PTDSS2: variants seen among roughly 807,000 people sequenced by gnomAD.
PTDSS2 encodes the protein PSS-2.
In PTDSS2, 41 loss-of-function variants were observed where a neutral mutation model predicts 64.7. That is an observed-to-expected ratio of 0.63 (90% CI 0.49 to 0.82). PTDSS2 has a LOEUF of 0.82. Ranked by LOEUF, PTDSS2 falls within the 40% of genes least tolerant of loss-of-function variation. The pLI is 0.00. For synonymous variants in PTDSS2, 297 were observed against 277.8 expected, an observed-to-expected ratio of 1.07 and a Z score of -0.69; for missense variants, 485 against 650.0, an observed-to-expected ratio of 0.75 and a Z score of 2.76.
chr11:452,187 G>C (rs1317557836), intron 1 of PTDSS2, among the ~76,000 whole-genome samples: 1 of 152,228 alleles, frequency 6.6e-6, no homozygotes, highest in East Asian at 1.9e-4. Context: ...GGAGCGAGGA[G>C]ACCAGACTGG....
In PTDSS2 at chr11:479,262, C is replaced by A; in HGVS notation, c.435+110C>A. 1 of 939,660 alleles carries A rather than the reference C, an allele frequency of 1.1e-6. No homozygotes were observed. Among genetic ancestry groups the A allele is most frequent in the Non-Finnish European group, 1.8e-6 (1 of 568,042 alleles). 58.2% of individuals were successfully genotyped at this position (939,660 alleles called of 1,614,324 possible). On this transcript the variant is annotated intron_variant, in intron 4 of 11. Transcript: ENST00000308020. This position sits in a 1 kb window ranked among gnomAD's most constrained non-coding sequence, Gnocchi z 4.2. ...ACAGCCCTCGAGTGATGGGAGGAAG[C>A]AGGGCTAGACCCCCACAAAGTAGGC...
intron 4 of PTDSS2, among the ~76,000 whole-genome samples, chr11:483,534 A>C (rs1443593871): frequency 2.0e-5 from 3 of 152,200 alleles, no homozygotes; most frequent in Non-Finnish European, 4.4e-5. Flanking sequence ...AAGTTGTTAG[A>C]TTTTTGTTAA....
chr11:453,794 T>C (rs924096908), intron 1 of PTDSS2, among the ~76,000 whole-genome samples: 1 of 152,246 alleles, frequency 6.6e-6, no homozygotes, highest in Non-Finnish European at 1.5e-5. Context: ...TCGGCCTCCC[T>C]GCCCACCATG....
intron 8 of PTDSS2, 111 bp from the exon 9 acceptor site, chr11:489,289 G>C: frequency 1.2e-6 from 1 of 864,050 alleles, no homozygotes; most frequent in Non-Finnish European, 1.8e-6. Context: ...AGCAGAGCTC[G>C]TCCGATGGCA....
At position 490,713 on chromosome 11, in the gene PTDSS2, C is replaced by T. The variant is rs142202229; in HGVS notation, c.*131C>T. 3.1e-3 allele frequency: 3,007 copies of T among 967,306 alleles called. 8 individuals carry two copies. Among genetic ancestry groups the T allele is most frequent in the Non-Finnish European group, 4.0e-3 (2,673 of 668,978 alleles). The allele number at this position is 967,306 out of a possible 1,614,324, so 59.9% of individuals were successfully genotyped here. A position where few individuals can be genotyped will look rare whatever the true frequency, so the allele number is the denominator to read the frequency against. ...TTTTGCTTTTCTCCTGTGCACCTGG[C>T]GAGGCTGAAGGCGAGGGGTGGAGGA... On this transcript the variant is annotated 3_prime_UTR_variant, in exon 12 of 12. Coordinates refer to ENST00000308020, the MANE Select transcript of PTDSS2 (RefSeq NM_030783.3).
chr11:486,928 T>C lies in PTDSS2; in HGVS notation c.436-11T>C. 2 of 1,602,264 alleles carry C rather than the reference T, an allele frequency of 1.2e-6. No individual in the cohort carries two copies. The highest frequency in any genetic ancestry group is 1.7e-6 in the Non-Finnish European group (2 of 1,173,642). On this transcript the variant is annotated splice_polypyrimidine_tract_variant and intron_variant, in intron 4 of 11. Coordinates refer to ENST00000308020, the MANE Select transcript of PTDSS2 (RefSeq NM_030783.3). ...ACTGTAGCCCCGCTGACGGGGGCAC[T>C]GGCCTTGCAGACTGTCCAGGACGGC...
chr11:488,596 T>C lies in PTDSS2; in HGVS notation c.803T>C (p.Leu268Pro). 6.2e-7 allele frequency: 1 copy of C among 1,613,464 alleles called. No homozygotes were observed. Among genetic ancestry groups the C allele is most frequent in the Non-Finnish European group, 8.5e-7 (1 of 1,179,974 alleles). ...TGCGGCATGAAGACCCTTGAGTGGC[T>C]GTCCCTGAAGACGTACAAGTGGCAG... Reference protein sequence around the residue: ...IYCGMKTLEWLSLKTYKWQGL... With the variant: ...IYCGMKTLEWPSLKTYKWQGL... The change falls in exon 8 of 12, where the codon CTG becomes CCG. Residue 268 changes from leucine (L) to proline (P), a missense_variant. Leu to Pro is a moderately conservative substitution (Grantham distance 98). Coordinates refer to ENST00000308020, the MANE Select transcript of PTDSS2 (RefSeq NM_030783.3).
At chr11:486,222 C>T (rs1848371990) in intron 4 of PTDSS2, among the ~76,000 whole-genome samples, 1 of 151,028 alleles carries the variant, frequency 6.6e-6, no homozygotes, top group Non-Finnish European at 1.5e-5. Context: ...ATGCCAGCGT[C>T]TGGGTGAGGA....
Position 479,505 on chromosome 11 carries a change from G to A in PTDSS2, c.435+353G>A, listed in dbSNP as rs935687789. ...CAGGGCCAGTGGTGCAGCTGCCAGG[G>A]TGGCTTTGCCCACAGCTGTCGTATC... On this transcript the variant is annotated intron_variant, in intron 4 of 11. Transcript: ENST00000308020. The surrounding 1 kb of genome is among the most constrained non-coding windows in gnomAD (Gnocchi z 4.2). The A allele has an allele frequency of 1.4e-5, 5 of 350,722 alleles. No homozygotes were observed. Among genetic ancestry groups the A allele is most frequent in the South Asian group, 9.3e-5 (3 of 32,096 alleles). The allele number at this position is 350,722 out of a possible 1,614,324, so 21.7% of individuals were successfully genotyped here. A position where few individuals can be genotyped will look rare whatever the true frequency, so the allele number is the denominator to read the frequency against.
At chr11:448,893 T>G (rs899725797), upstream of PTDSS2, among the ~76,000 whole-genome samples, 5 of 152,156 alleles carry the variant, frequency 3.3e-5, no homozygotes, top group Non-Finnish European at 7.4e-5. Context: ...TTACAGCACT[T>G]TCATCGCCCC....
chr11:454,744 G>A (rs1020775845), intron 1 of PTDSS2, among the ~76,000 whole-genome samples: 2 of 152,268 alleles, frequency 1.3e-5, no homozygotes, highest in South Asian at 2.1e-4. Flanking sequence ...GGCAGAGATC[G>A]CGCCAGTGTC....
intron 1 of PTDSS2, among the ~76,000 whole-genome samples, chr11:452,571 C>T (rs185462031): frequency 2.0e-5 from 3 of 152,306 alleles, no homozygotes; most frequent in East Asian, 1.9e-4. Context: ...TCTCCAGGAG[C>T]GGGTGCAGCG....
At chr11:486,235 G>A (rs994030137) in intron 4 of PTDSS2, among the ~76,000 whole-genome samples, 26 of 152,242 alleles carry the variant, frequency 1.7e-4, no homozygotes, top group Non-Finnish European at 3.7e-4. Context: ...GGTGAGGAAA[G>A]AGCAGGTTCC....
intron 1 of PTDSS2, among the ~76,000 whole-genome samples, chr11:450,928 CT>C (rs1374795189): frequency 2.0e-5 from 3 of 152,020 alleles, no homozygotes; most frequent in African/African-American, 7.2e-5. Flanking sequence ...CCCTGCCCGC[CT>C]TGGCTCTGAC....
At chr11:474,378 C>G (rs1169729072) in intron 3 of PTDSS2, among the ~76,000 whole-genome samples, 1 of 139,330 alleles carries the variant, frequency 7.2e-6, no homozygotes, top group South Asian at 2.3e-4. Context: ...GACTCTGAGA[C>G]CAGAGGGGGC....
chr11:472,447 G>A (rs889427931), intron 2 of PTDSS2, among the ~76,000 whole-genome samples: 8 of 152,210 alleles, frequency 5.3e-5, no homozygotes, highest in South Asian at 2.1e-4. Context: ...GGCTGACAGC[G>A]GTAGTGTGGG....
intron 2 of PTDSS2, among the ~76,000 whole-genome samples, chr11:469,668 TGCTGTACAA>T (rs1326904862): frequency 6.6e-6 from 1 of 152,030 alleles, no homozygotes; most frequent in East Asian, 1.9e-4. Flanking sequence ...CAGATCTTGT[TGCTGTACAA>T]GCTGAGGGGG....
chr11:449,764 T>G (rs1011448648), upstream of PTDSS2, among the ~76,000 whole-genome samples: 1 of 151,950 alleles, frequency 6.6e-6, no homozygotes, highest in African/African-American at 2.4e-5. Context: ...CTGGCCAACA[T>G]AGTGAAACCC....
chr11:485,285 C>G (rs1232046795), intron 4 of PTDSS2, among the ~76,000 whole-genome samples: 2 of 135,800 alleles, frequency 1.5e-5, no homozygotes, highest in African/African-American at 2.9e-5. Context: ...AAACAGTGCA[C>G]GGGCGCGTGT....
Sources: allele counts gnomAD v4.1 joint callset (sites outside exome capture counted in the v4.1 genomes callset), GRCh38; gene constraint gnomAD v4.1.1; non-coding constraint Gnocchi (gnomAD v3.1); transcripts MANE v1.5; gene names NCBI Gene and HGNC (gene_info 2026-07-23, HGNC 2026-07-21).